Variants in ZC3H15 observed in about 807,000 individuals in gnomAD.
ZC3H15 encodes zinc finger CCCH domain-containing protein 15.
ZC3H15 carries 15 observed loss-of-function variants against 51.2 expected under a neutral mutation model. The observed-to-expected ratio is 0.29, with a 90% confidence interval of 0.20 to 0.45. The LOEUF (loss-of-function observed/expected upper bound fraction) is 0.45. Among genes scored for constraint, ZC3H15 ranks in the 20% least tolerant of loss-of-function variants. The probability of loss-of-function intolerance (pLI) is 1.00; values close to 1 mark genes in which losing one functional copy is unlikely to be tolerated. For synonymous variants in ZC3H15, 144 were observed against 162.8 expected, an observed-to-expected ratio of 0.88 and a Z score of 0.88; for missense variants, 381 against 494.7, an observed-to-expected ratio of 0.77 and a Z score of 2.18.
Position 186,502,492 on chromosome 2 carries a change from T to G in ZC3H15, c.443-4T>G, listed in dbSNP as rs1199427578. ...CAGTATTTAATCTTCATTTCTTTAT[T>G]TAGATACTATGGATAATTGGGATGA... is the stretch of plus-strand genomic sequence containing the variant. On this transcript the variant is annotated splice_region_variant and splice_polypyrimidine_tract_variant and intron_variant, in intron 4 of 9. Transcript: ENST00000337859. 1 of 1,606,706 alleles carries G rather than the reference T, an allele frequency of 6.2e-7. No homozygotes were observed. Among genetic ancestry groups the G allele is most frequent in the East Asian group, 2.2e-5 (1 of 44,790 alleles).
Position 186,508,736 on chromosome 2 carries a change from C to G in ZC3H15, c.*3C>G. On this transcript the variant is annotated 3_prime_UTR_variant, in exon 10 of 10. Transcript: ENST00000337859. ...ATACACTTGATTTAGAAGAATGACA[C>G]CAAACACATCGCTGAAAAAATTAAG... The G allele has an allele frequency of 6.2e-7, 1 of 1,612,026 alleles. No homozygotes were observed.
intron 1 of ZC3H15, among the ~76,000 whole-genome samples, chr2:186,487,949 A>G (rs1032459124): frequency 1.3e-5 from 2 of 152,192 alleles, no homozygotes; most frequent in African/African-American, 4.8e-5. Flanking sequence ...GTATCCATCA[A>G]CTTTTAAAAT....
chr2:186,493,729 C>T (rs923557965), intron 1 of ZC3H15, among the ~76,000 whole-genome samples: 4 of 151,790 alleles, frequency 2.6e-5, no homozygotes, highest in African/African-American at 9.7e-5. Context: ...TCTTCCTTGC[C>T]TTGTCCTAGT....
intron 4 of ZC3H15, 114 bp downstream of exon 4, chr2:186,501,539 ATAAT>A (rs571299725): frequency 1.4e-4 from 122 of 871,864 alleles, no homozygotes; most frequent in Non-Finnish European, 1.9e-4. Context: ...TTTATAAAAA[ATAAT>A]TAATTGGGTT....
chr2:186,486,471 C>T lies in ZC3H15; in HGVS notation c.75+14C>T, dbSNP rs1428370943. ...AAGATTATCGAAGTGAGTACCCACC[C>T]CTCCCCCACTCACGCCGCGAGCCCT... On this transcript the variant is annotated intron_variant, in intron 1 of 9. Transcript: ENST00000337859. The T allele has an allele frequency of 1.3e-6, 2 of 1,543,624 alleles. No individual in the cohort carries two copies. Among genetic ancestry groups the T allele is most frequent in the Admixed American group, 3.9e-5 (2 of 50,718 alleles).
chr2:186,505,261 T>C (rs1346016835), intron 6 of ZC3H15, 190 bp from the exon 7 acceptor site: 40 of 403,568 alleles, frequency 9.9e-5, no homozygotes, highest in African/African-American at 2.1e-5. Context: ...ATATTTTTAG[T>C]GTTTGTATCT....
At chr2:186,503,946 G>A in intron 5 of ZC3H15, 86 bp from the exon 6 acceptor site, 1 of 1,093,410 alleles carries the variant, frequency 9.1e-7, no homozygotes, top group Non-Finnish European at 1.3e-6. Flanking sequence ...ACGTACTTGT[G>A]TGTATACTTG....
chr2:186,495,560 G>A (rs1419919004), intron 2 of ZC3H15, among the ~76,000 whole-genome samples: 1 of 152,146 alleles, frequency 6.6e-6, no homozygotes, highest in African/African-American at 2.4e-5. Context: ...CCGTTCTACA[G>A]TACAGGTGTG....
intron 1 of ZC3H15, 79 bp from the exon 2 acceptor site, chr2:186,495,154 T>C: frequency 1.3e-6 from 1 of 791,056 alleles, no homozygotes; most frequent in Non-Finnish European, 1.9e-6. Flanking sequence ...TCAATAAAAA[T>C]AATGATTTTT....
intron 1 of ZC3H15, among the ~76,000 whole-genome samples, chr2:186,491,112 TATCTCAG>T (rs1198351243): frequency 3.3e-5 from 5 of 152,320 alleles, no homozygotes; most frequent in African/African-American, 1.2e-4. Context: ...GTGCTATTGG[TATCTCAG>T]ATCTGCAGTG....
intron 3 of ZC3H15, chr2:186,500,605 T>A: frequency 1.9e-6 from 1 of 514,030 alleles, no homozygotes; most frequent in Non-Finnish European, 3.8e-6. Flanking sequence ...TTGAATAAAC[T>A]GTACGTCCCA....
At position 186,508,715 on chromosome 2, in the gene ZC3H15, A is replaced by G; in HGVS notation, c.1263A>G (p.Thr421=). 6.2e-7 allele frequency: 1 copy of G among 1,613,982 alleles called. No individual in the cohort carries two copies. Among genetic ancestry groups the G allele is most frequent in the Non-Finnish European group, 8.5e-7 (1 of 1,179,922 alleles). Residue 421 remains threonine (T), a synonymous_variant, in exon 10 of 10, where the codon ACA becomes ACG. Transcript: ENST00000337859. ...DLDELEEELN[T]LDLEE is the part of the protein sequence containing the mutation. ...ATGAACTAGAAGAAGAATTAAATAC[A>G]CTTGATTTAGAAGAATGACACCAAA...
intron 3 of ZC3H15, 91 bp from the exon 4 acceptor site, chr2:186,501,182 A>C: frequency 7.3e-7 from 1 of 1,371,168 alleles, no homozygotes; most frequent in Non-Finnish European, 9.6e-7. Flanking sequence ...AATGGAAAAT[A>C]AGTTAACCAA....
chr2:186,507,337 C>T, intron 9 of ZC3H15: 1 of 454,446 alleles, frequency 2.2e-6, no homozygotes, highest in Non-Finnish European at 4.4e-6. Context: ...TTCATTGAGA[C>T]TGCAATGATA....
intron 3 of ZC3H15, chr2:186,500,555 A>G (rs1165140752): frequency 1.7e-5 from 10 of 588,508 alleles, no homozygotes; most frequent in East Asian, 7.8e-5. Flanking sequence ...TAATTGATTT[A>G]TAACATTCAG....
intron 1 of ZC3H15, among the ~76,000 whole-genome samples, chr2:186,494,135 A>G (rs1293941971): frequency 6.6e-6 from 1 of 151,942 alleles, no homozygotes; most frequent in Non-Finnish European, 1.5e-5. Flanking sequence ...TAGATAGCCA[A>G]GGATCACCAT....
chr2:186,501,133 C>T, intron 3 of ZC3H15, 140 bp from the exon 4 acceptor site: 1 of 741,676 alleles, frequency 1.3e-6, no homozygotes, highest in East Asian at 2.8e-5. Flanking sequence ...AAATGTCTTG[C>T]TAATCACCCA....
chr2:186,506,499 C>T (rs1685469624), intron 8 of ZC3H15, among the ~76,000 whole-genome samples: 1 of 148,534 alleles, frequency 6.7e-6, no homozygotes, highest in Admixed American at 6.6e-5. Flanking sequence ...GGCTTTGTTG[C>T]TCAGGCTGGT....
rs940614062 is a variant in ZC3H15, at chr2:186,509,149, T to G, written c.*416T>G. 1.6e-4 allele frequency: 67 copies of G among 427,770 alleles called. 2 individuals carry two copies. Among genetic ancestry groups the G allele is most frequent in the South Asian group, 1.1e-3 (66 of 58,638 alleles). 26.5% of individuals were successfully genotyped at this position (427,770 alleles called of 1,614,324 possible). On this transcript the variant is annotated 3_prime_UTR_variant, in exon 10 of 10. Coordinates refer to ENST00000337859, the MANE Select transcript of ZC3H15 (RefSeq NM_018471.3). ...CTCTGTATTTGTATGTTTAGAAGAC[T>G]GCCTAAAACATGAGCACTGTACTTC... is the stretch of plus-strand genomic sequence containing the variant.
Sources: gnomAD v4.1 joint callset for allele counts (sites outside exome capture counted in the v4.1 genomes callset) on GRCh38, gnomAD v4.1.1 for gene constraint, MANE v1.5 for transcripts, NCBI Gene and HGNC (gene_info 2026-07-23, HGNC 2026-07-21) for gene names.